Variants in TRIT1 observed in about 807,000 individuals in gnomAD.
TRIT1 encodes tRNA isopentenyltransferase 1, also known as tRNA dimethylallyltransferase.
TRIT1 carries 43 observed loss-of-function variants against 51.2 expected under a neutral mutation model. The ratio of observed to expected loss-of-function variants is 0.84; its 90% confidence interval spans 0.66 to 1.08. The LOEUF (loss-of-function observed/expected upper bound fraction) is 1.08. Ranked by LOEUF, TRIT1 falls within the 50% of genes least tolerant of loss-of-function variation. TRIT1 has a pLI of 0.00. For missense variants in TRIT1, 528 were observed against 578.4 expected (o/e 0.91, Z 0.89); for synonymous variants, 184 against 203.9 (o/e 0.90, Z 0.83).
chr1:39,850,220 T>C lies in TRIT1; in HGVS notation c.602A>G (p.Glu201Gly). ...VFEETGISHS[E>G]FLHRQHTEEG... Reference sequence around the variant, plus strand: ...TTCCGTATGTTGACGATGGAGAAATTCACTATGAGAGATTCCTGTTTCTTC... The same window carrying C: ...TTCCGTATGTTGACGATGGAGAAATCCACTATGAGAGATTCCTGTTTCTTC... The change falls in exon 5 of 11, where the codon GAA (glutamate) becomes GGA (glycine). Residue 201 changes from glutamate (E) to glycine (G), a missense_variant. Physicochemically the swap from Glu to Gly is moderately conservative, Grantham distance 98 (BLOSUM62 -2). This residue lies in a region of TRIT1 where 468 missense variants were observed against 522.6 expected (regional missense o/e 0.90). Transcript: ENST00000316891. 6.2e-7 allele frequency: 1 copy of C among 1,614,210 alleles called. No homozygotes were observed.
At chr1:39,869,970 G>T (rs6660270) in intron 1 of TRIT1, among the ~76,000 whole-genome samples, 9,887 of 152,124 alleles carry the variant, frequency 0.065, 763 homozygotes, top group African/African-American at 0.18. Flanking sequence ...TCTGGGAGGT[G>T]GGGGGCCCCT....
intron 1 of TRIT1, among the ~76,000 whole-genome samples, chr1:39,869,472 G>A (rs1021612519): frequency 9.9e-5 from 15 of 152,198 alleles, no homozygotes; most frequent in South Asian, 4.1e-4. Context: ...CCTCCCAGCC[G>A]CCTGCCTTGG....
chr1:39,881,405 T>C (rs1285790139), intron 1 of TRIT1, among the ~76,000 whole-genome samples: 1 of 152,192 alleles, frequency 6.6e-6, no homozygotes, highest in Non-Finnish European at 1.5e-5. Flanking sequence ...GTACCATACG[T>C]ACTGCTCACA....
chr1:39,843,645 T>C (rs1642053665), intron 10 of TRIT1, among the ~76,000 whole-genome samples: 1 of 152,184 alleles, frequency 6.6e-6, no homozygotes, highest in South Asian at 2.1e-4. Context: ...AGATACCACT[T>C]TTAAAAACCA....
chr1:39,840,581 C>T lies in TRIT1; in HGVS notation c.*1163G>A, dbSNP rs1050633375. Among the ~76,000 whole-genome samples the T allele has an allele frequency of 5.2e-4, 79 of 152,280 alleles. No homozygotes were observed. Among genetic ancestry groups the T allele is most frequent in the African/African-American group, 1.7e-3 (71 of 41,548 alleles). ...GAACCACATCTCATCTCTGCATTCC[C>T]TTTAGCCTAATTCAGGGCCTCTCAT... On this transcript the variant is annotated 3_prime_UTR_variant, in exon 11 of 11. Coordinates refer to ENST00000316891, the MANE Select transcript of TRIT1 (RefSeq NM_017646.6).
In TRIT1 at chr1:39,848,050, C is replaced by T. The variant is rs373052302; in HGVS notation, c.751G>A (p.Gly251Arg). Reference protein sequence around the residue: ...DKRVDDMLAAGLLEELRDFHR... With the variant: ...DKRVDDMLAARLLEELRDFHR... ...AAATCTCTTAGTTCCTCCAAGAGCCCAGCAGCAAGCATGTCATCCACCCTC... is the reference window on the plus strand; with the variant it reads ...AAATCTCTTAGTTCCTCCAAGAGCCTAGCAGCAAGCATGTCATCCACCCTC... Residue 251 changes from glycine to arginine, a missense_variant, in exon 6 of 11, where the codon GGG becomes AGG. Physicochemically the swap from Gly to Arg is moderately radical, Grantham distance 125 (BLOSUM62 -2). Transcript: ENST00000316891. The T allele has an allele frequency of 3.0e-5, 48 of 1,614,022 alleles. No homozygotes were observed. Among genetic ancestry groups the T allele is most frequent in the Admixed American group, 3.3e-5 (2 of 59,996 alleles).
In TRIT1 at chr1:39,840,694, T is replaced by G. The variant is rs531212127; in HGVS notation, c.*1050A>C. On this transcript the variant is annotated 3_prime_UTR_variant, in exon 11 of 11. Coordinates refer to ENST00000316891, the MANE Select transcript of TRIT1 (RefSeq NM_017646.6). ...GTTTGTTTGGAGTGACAAAAACGTT[T>G]TGGAAATAGTGGCAACGATTGCACA... Among the ~76,000 whole-genome samples the G allele has an allele frequency of 3.3e-5, 5 of 152,206 alleles. No homozygotes were observed. The highest frequency in any genetic ancestry group is 7.4e-5 in the Non-Finnish European group (5 of 68,026).
chr1:39,860,720 T>C (rs1643188310), intron 1 of TRIT1, among the ~76,000 whole-genome samples: 1 of 152,232 alleles, frequency 6.6e-6, no homozygotes, highest in Non-Finnish European at 1.5e-5. Flanking sequence ...GATGGATATA[T>C]GGGTAGTTCA....
chr1:39,860,324 G>A (rs985304133), intron 1 of TRIT1, among the ~76,000 whole-genome samples: 1 of 152,182 alleles, frequency 6.6e-6, no homozygotes, highest in African/African-American at 2.4e-5. Flanking sequence ...GGGTGATACA[G>A]ACTAGACATC....
At chr1:39,845,600 C>T (rs1642178407) in intron 8 of TRIT1, among the ~76,000 whole-genome samples, 1 of 152,246 alleles carries the variant, frequency 6.6e-6, no homozygotes, top group Admixed American at 6.5e-5. Context: ...GCAGCATCCA[C>T]AGCACACCTG....
At chr1:39,845,195 T>C (rs1642157449) in intron 8 of TRIT1, among the ~76,000 whole-genome samples, 2 of 152,244 alleles carry the variant, frequency 1.3e-5, no homozygotes, top group Admixed American at 1.3e-4. Context: ...AGTCTTAGAA[T>C]TGATGTAGTT....
chr1:39,842,479 C>T (rs1641966497), intron 10 of TRIT1, among the ~76,000 whole-genome samples: 1 of 152,188 alleles, frequency 6.6e-6, no homozygotes, highest in Admixed American at 6.5e-5. Flanking sequence ...GTGAACGACT[C>T]TCTGGCAAGA....
intron 8 of TRIT1, among the ~76,000 whole-genome samples, chr1:39,845,792 C>T (rs572939318): frequency 6.6e-6 from 1 of 152,308 alleles, no homozygotes; most frequent in Admixed American, 6.5e-5. Flanking sequence ...GGCTTCCTGC[C>T]AGAACCATAT....
At chr1:39,861,236 T>C (rs901080482) in intron 1 of TRIT1, among the ~76,000 whole-genome samples, 1 of 152,138 alleles carries the variant, frequency 6.6e-6, no homozygotes. Flanking sequence ...GAAAACAATA[T>C]GGCAGTTTCG....
At chr1:39,874,868 A>G (rs1643998636) in intron 1 of TRIT1, among the ~76,000 whole-genome samples, 1 of 151,858 alleles carries the variant, frequency 6.6e-6, no homozygotes, top group Non-Finnish European at 1.5e-5. Context: ...GGGTTTCTCC[A>G]TGTTGGTCAG....
rs1213465000 is a variant in TRIT1 at position 39,883,327 on chromosome 1, G to A, written c.165C>T (p.Asp55=). The A allele has an allele frequency of 1.9e-6, 3 of 1,607,122 alleles. No individual in the cohort carries two copies. Among genetic ancestry groups the A allele is most frequent in the Non-Finnish European group, 2.5e-6 (3 of 1,177,460 alleles). Residue 55 remains aspartate (D), a synonymous_variant, in exon 1 of 11, where the codon GAC becomes GAT. Coordinates refer to ENST00000316891, the MANE Select transcript of TRIT1 (RefSeq NM_017646.6). ...QRLGGEIVSA[D]SMQVYEGLDI... ...AGCCGCACTGCCATACCTGCATGGA[G>A]TCAGCGCTGACGATCTCACCGCCGA...
At chr1:39,847,121 A>G (rs1642270279) in intron 8 of TRIT1, 99 bp downstream of exon 8, 4 of 955,248 alleles carry the variant, frequency 4.2e-6, no homozygotes, top group Non-Finnish European at 6.4e-6. Flanking sequence ...AAAATCTTAG[A>G]ACAGGCCCAG....
intron 1 of TRIT1, among the ~76,000 whole-genome samples, chr1:39,870,920 G>A (rs932012063): frequency 4.6e-5 from 7 of 152,126 alleles, no homozygotes; most frequent in Admixed American, 2.0e-4. Context: ...GACACCAGGC[G>A]CGGTAGCTCA....
At chr1:39,857,161 G>GT (rs1001735843) in intron 2 of TRIT1, 116 bp downstream of exon 2, 1 of 1,193,514 alleles carries the variant, frequency 8.4e-7, no homozygotes. Flanking sequence ...GCATCCATCA[G>GT]TATTTAGGCC....
Sources: allele counts gnomAD v4.1 joint callset (sites outside exome capture counted in the v4.1 genomes callset), GRCh38; gene constraint gnomAD v4.1.1; regional missense constraint gnomAD v4.1.1; transcripts MANE v1.5; gene names NCBI Gene and HGNC (gene_info 2026-07-23, HGNC 2026-07-21).